FBXL2: variants seen among roughly 807,000 people sequenced by gnomAD.
The protein encoded by FBXL2 is F-box and leucine rich repeat protein 2.
FBXL2 carries 38 observed loss-of-function variants against 69.2 expected under a neutral mutation model. The observed-to-expected ratio is 0.55, with a 90% CI of 0.42 to 0.72. The LOEUF (loss-of-function observed/expected upper bound fraction) is 0.72, where lower values mean the gene tolerates loss of function less well. Among genes scored for constraint, FBXL2 ranks in the 30% least tolerant of loss-of-function variants. The probability of loss-of-function intolerance (pLI) is 0.00; values close to 1 mark genes in which losing one functional copy is unlikely to be tolerated. For synonymous variants in FBXL2, 192 were observed against 201.3 expected, an observed-to-expected ratio of 0.95 and a Z score of 0.39; for missense variants, 354 against 520.3, an observed-to-expected ratio of 0.68 and a Z score of 3.11.
At chr3:33,411,473 T>C in the FBXL2 span, 8 of 939,262 alleles carry the variant, frequency 8.5e-6, no homozygotes, top group African/African-American at 1.2e-4. Flanking sequence ...CACTACAACA[T>C]AGTTTATAAA....
Position 33,387,415 on chromosome 3 carries a change from A to G in FBXL2, c.*1807A>G, listed in dbSNP as rs1328701044. The G allele has an allele frequency of 1.3e-5, 2 of 152,174 alleles. No homozygotes were observed. The highest frequency in any genetic ancestry group is 4.8e-5 in the African/African-American group (2 of 41,426). The allele number at this position is 152,174 out of a possible 1,614,324, so 9.4% of individuals were successfully genotyped here. On this transcript the variant is annotated 3_prime_UTR_variant, in exon 15 of 15. Coordinates refer to ENST00000484457, the MANE Select transcript of FBXL2 (RefSeq NM_012157.5). ...TCAGGAGTTTGAGACCAGCCTGGCC[A>G]ACACAGTAAAACCCCATCTCTACTG... is the stretch of plus-strand genomic sequence containing the variant.
chr3:33,390,123 T>C (rs1469798804), downstream of FBXL2: 13 of 569,200 alleles, frequency 2.3e-5, no homozygotes, highest in East Asian at 5.7e-5. Flanking sequence ...GCTGTGCCGA[T>C]GTGCTCACTC....
At position 33,328,972 on chromosome 3, in the gene FBXL2, A is replaced by T. The variant is rs150208663; in HGVS notation, c.66-29995A>T. Among the ~76,000 whole-genome samples the T allele has an allele frequency of 6.3e-4, 96 of 152,278 alleles. 1 individual carries two copies. The highest frequency in any genetic ancestry group is 4.8e-3 in the Admixed American group (74 of 15,288). ...ACAGAATGGGACTAAATGTTTGCAAACTATCCATCTGACAAGAGATTAGTT... is the reference window on the plus strand; with the variant it reads ...ACAGAATGGGACTAAATGTTTGCAATCTATCCATCTGACAAGAGATTAGTT... On this transcript the variant is annotated intron_variant, in intron 2 of 14. Transcript: ENST00000484457.
At chr3:33,402,839 G>A in intron 12 of FBXL2, 1 of 1,608,110 alleles carries the variant, frequency 6.2e-7, no homozygotes, top group Non-Finnish European at 8.5e-7. Context: ...GTGGGGAGGT[G>A]AAAGTGGGCG....
At chr3:33,418,550 C>T in the FBXL2 span, among the ~76,000 whole-genome samples, 1 of 152,052 alleles carries the variant, frequency 6.6e-6, no homozygotes, top group South Asian at 2.1e-4. Context: ...TGAGCCACCG[C>T]ACCCGGCCAT....
intron 2 of FBXL2, among the ~76,000 whole-genome samples, chr3:33,330,219 G>T (rs1258525888): frequency 1.3e-5 from 2 of 151,870 alleles, no homozygotes; most frequent in Non-Finnish European, 2.9e-5. Context: ...AGAGGTTGAG[G>T]CTGCAGTGAG....
chr3:33,375,508 T>C, intron 10 of FBXL2, 90 bp downstream of exon 10: 1 of 1,464,440 alleles, frequency 6.8e-7, no homozygotes, highest in African/African-American at 1.4e-5. Context: ...GCTTGCCAGG[T>C]AGTGGTGGTG....
At chr3:33,278,344 G>A (rs2033553717) in intron 1 of FBXL2, 1 of 152,028 alleles carries the variant, frequency 6.6e-6, no homozygotes, top group Non-Finnish European at 1.5e-5. Flanking sequence ...GAAGAGAGGA[G>A]CTAGACTCCT....
At chr3:33,327,561 A>G (rs1416423511) in intron 2 of FBXL2, among the ~76,000 whole-genome samples, 1 of 152,152 alleles carries the variant, frequency 6.6e-6, no homozygotes, top group Non-Finnish European at 1.5e-5. Flanking sequence ...TGTCTAATCA[A>G]AAGTCAACTA....
downstream of FBXL2, chr3:33,392,686 G>A (rs138739379): frequency 4.3e-6 from 6 of 1,390,840 alleles, no homozygotes; most frequent in East Asian, 1.4e-4. Context: ...TTTTAAAACA[G>A]TAAATATTCT....
intron 2 of FBXL2, among the ~76,000 whole-genome samples, chr3:33,333,647 C>T (rs1477936152): frequency 1.3e-5 from 2 of 152,262 alleles, no homozygotes; most frequent in East Asian, 3.9e-4. Flanking sequence ...CAGCTTCATA[C>T]CTAGGGGTGG....
intron 2 of FBXL2, among the ~76,000 whole-genome samples, chr3:33,323,916 C>T (rs987450597): frequency 1.4e-4 from 22 of 152,320 alleles, no homozygotes; most frequent in Admixed American, 9.1e-4. Flanking sequence ...AATTTACACT[C>T]CTACCAACAG....
Position 33,375,289 on chromosome 3 carries a change from G to C in FBXL2, c.659G>C (p.Arg220Pro). The change falls in exon 10 of 15, where the codon CGT (arginine) becomes CCT (proline). Residue 220 changes from arginine (R) to proline (P), a missense_variant and splice_region_variant. Transcript: ENST00000484457. Reference protein sequence around the residue: ...LVSLNLQSCSRITDEGVVQIC... With the variant: ...LVSLNLQSCSPITDEGVVQIC... ...TCTTTCTGTGCTGCTTTTCCTCAGC[G>C]TATCACGGATGAAGGTGTGGTGCAG... 7.4e-6 allele frequency: 12 copies of C among 1,613,392 alleles called. No individual in the cohort carries two copies. The highest frequency in any genetic ancestry group is 1.0e-5 in the Non-Finnish European group (12 of 1,179,394).
intron 2 of FBXL2, among the ~76,000 whole-genome samples, chr3:33,330,600 G>A (rs188554206): frequency 4.0e-4 from 61 of 152,000 alleles, no homozygotes; most frequent in African/African-American, 1.4e-3. Flanking sequence ...ATTAAAATAC[G>A]ACATGTGGCG....
chr3:33,378,161 T>G lies in FBXL2; in HGVS notation c.894+14T>G, dbSNP rs755788641. On this transcript the variant is annotated intron_variant, in intron 12 of 14. Transcript: ENST00000484457. Reference sequence around the variant, plus strand: ...GAATGCATCCTGGTGAGTGGACTCCTGACAGCCCTGCAGGGCAGCCTGCTC... The same window carrying G: ...GAATGCATCCTGGTGAGTGGACTCCGGACAGCCCTGCAGGGCAGCCTGCTC... 1 of 1,613,796 alleles carries G rather than the reference T, an allele frequency of 6.2e-7. No homozygotes were observed. The highest frequency in any genetic ancestry group is 8.5e-7 in the Non-Finnish European group (1 of 1,179,650).
chr3:33,411,565 A>G, the FBXL2 span: 4 of 1,610,026 alleles, frequency 2.5e-6, no homozygotes, highest in East Asian at 6.7e-5. Flanking sequence ...GCTTCTAATA[A>G]TGTAAAAATC....
At chr3:33,283,636 T>C (rs1479677548) in intron 1 of FBXL2, among the ~76,000 whole-genome samples, 1 of 152,182 alleles carries the variant, frequency 6.6e-6, no homozygotes, top group Non-Finnish European at 1.5e-5. Context: ...CGAGCTCCTC[T>C]TTGTACCTCT....
intron 13 of FBXL2, among the ~76,000 whole-genome samples, chr3:33,382,316 G>C (rs1375759810): frequency 1.3e-5 from 2 of 152,128 alleles, no homozygotes; most frequent in African/African-American, 4.8e-5. Flanking sequence ...ATAGATCAAT[G>C]CATTTCCATA....
At chr3:33,334,947 ATATG>A (rs1316841123) in intron 2 of FBXL2, among the ~76,000 whole-genome samples, 2 of 151,938 alleles carry the variant, frequency 1.3e-5, no homozygotes, top group Non-Finnish European at 1.5e-5. Context: ...ACCAAAAAAA[ATATG>A]TATGTCGGGC....
Sources: allele counts gnomAD v4.1 joint callset (sites outside exome capture counted in the v4.1 genomes callset), GRCh38; gene constraint gnomAD v4.1.1; transcripts MANE v1.5; gene names NCBI Gene and HGNC (gene_info 2026-07-23, HGNC 2026-07-21).